The following PLXNA4 variants were observed in gnomAD, a reference collection of about 807,000 sequenced individuals.
PLXNA4 encodes the protein plexin A4, also known as plexin-A4.
A neutral mutation model predicts 191.8 loss-of-function variants in PLXNA4; 44 were observed. The ratio of observed to expected loss-of-function variants is 0.23; its 90% confidence interval spans 0.18 to 0.29. PLXNA4 has a LOEUF of 0.29. Ranked by LOEUF, PLXNA4 falls within the 10% of genes least tolerant of loss-of-function variation. PLXNA4 has a pLI of 1.00. For missense variants in PLXNA4, 1,800 were observed against 2,488.8 expected (o/e 0.72, Z 5.89); for synonymous variants, 1,082 against 1,009.5 (o/e 1.07, Z -1.36).
chr7:132,548,023 C>T (rs117811960), intron 1 of PLXNA4, among the ~76,000 whole-genome samples: 290 of 152,156 alleles, frequency 1.9e-3, no homozygotes, highest in Non-Finnish European at 3.4e-3. Context: ...AACGTGAAAC[C>T]GAAGAAAACA....
At chr7:132,626,491 C>T (rs1803376092) in intron 2 of PLXNA4, among the ~76,000 whole-genome samples, 1 of 152,108 alleles carries the variant, frequency 6.6e-6, no homozygotes, top group Non-Finnish European at 1.5e-5. Flanking sequence ...GGTTTAGCAC[C>T]ATCCCTTTGG....
At chr7:132,346,489 A>G (rs982810604) in intron 3 of PLXNA4, among the ~76,000 whole-genome samples, 1 of 152,220 alleles carries the variant, frequency 6.6e-6, no homozygotes, top group Non-Finnish European at 1.5e-5. Context: ...AGCAAATGCT[A>G]TGGCAGAATT....
intron 3 of PLXNA4, among the ~76,000 whole-genome samples, chr7:132,460,107 A>C (rs1796451313): frequency 6.6e-6 from 1 of 152,144 alleles, no homozygotes; most frequent in African/African-American, 2.4e-5. Context: ...TAATCCCAGC[A>C]CTTTGGGAGG....
chr7:132,315,202 T>C (rs906059985), intron 3 of PLXNA4, among the ~76,000 whole-genome samples: 1 of 152,208 alleles, frequency 6.6e-6, no homozygotes, highest in African/African-American at 2.4e-5. Context: ...CGGTCTGTTC[T>C]GTGTGACCTC....
chr7:132,377,035 TA>T lies in PLXNA4; in HGVS notation c.1372-78814del, dbSNP rs565511119. On this transcript the variant is annotated intron_variant, in intron 3 of 31. Coordinates refer to ENST00000321063, the MANE Select transcript of PLXNA4 (RefSeq NM_020911.2). ...TCCTTTCCCAGGCTCACGAAATGTGTAAAAACAAAGTACAGAAAAAGAAATC... is the reference window on the plus strand; with the variant it reads ...TCCTTTCCCAGGCTCACGAAATGTGTAAAACAAAGTACAGAAAAAGAAATC... 1.8e-4 allele frequency among the ~76,000 whole-genome samples: 28 copies of T among 152,260 alleles called. No homozygotes were observed. In the South Asian group the frequency reaches 5.8e-3, roughly 32 times the overall value.
chr7:132,579,997 C>T (rs887869474), upstream of PLXNA4, among the ~76,000 whole-genome samples: 2 of 152,080 alleles, frequency 1.3e-5, no homozygotes, highest in Non-Finnish European at 1.5e-5. Context: ...CTACTCCTGG[C>T]TCTGTCATTG....
At chr7:132,262,772 G>T (rs1485759234) in intron 4 of PLXNA4, among the ~76,000 whole-genome samples, 1 of 152,154 alleles carries the variant, frequency 6.6e-6, no homozygotes, top group Non-Finnish European at 1.5e-5. Context: ...AGCTCAGTGG[G>T]GAGGCTGGGG....
In PLXNA4 at chr7:132,625,513, G is replaced by A. The variant is rs1049404088; in HGVS notation, c.-87+20415C>T. Among the ~76,000 whole-genome samples the A allele has an allele frequency of 3.3e-5, 5 of 152,082 alleles. No individual in the cohort carries two copies. The South Asian group carries it at 6.2e-4, about 19-fold the overall frequency. On this transcript the variant is annotated intron_variant, in intron 2 of 4. Transcript: ENST00000378539. ...AGATCCTGTAGAGCATTGATCCTCT[G>A]TCACATCAAGCACCAGAGAGACCAT...
Position 132,203,335 on chromosome 7 carries a change from C to A in PLXNA4, c.2383G>T (p.Ala795Ser). The A allele has an allele frequency of 1.2e-6, 2 of 1,613,810 alleles. No individual in the cohort carries two copies. Among genetic ancestry groups the A allele is most frequent in the African/African-American group, 2.7e-5 (2 of 75,022 alleles). Reference protein sequence around the residue: ...WNGHFNIDNPAQNKVHLYKCG... With the variant: ...WNGHFNIDNPSQNKVHLYKCG... ...AGCCCTTCCACACCTTTATTCTGAG[C>A]TGGGTTGTCAATGTTGAAGTGCCCA... Residue 795 changes from alanine to serine, a missense_variant, in exon 11 of 32, where the codon GCT (alanine) becomes TCT (serine). Coordinates refer to ENST00000321063, the MANE Select transcript of PLXNA4 (RefSeq NM_020911.2).
chr7:132,285,910 T>C (rs950922963), intron 4 of PLXNA4, among the ~76,000 whole-genome samples: 2 of 151,956 alleles, frequency 1.3e-5, no homozygotes, highest in African/African-American at 4.8e-5. Context: ...AGGGGTGAGG[T>C]GGTCAAGGCC....
intron 16 of PLXNA4, among the ~76,000 whole-genome samples, chr7:132,183,240 A>G (rs1796770000): frequency 1.3e-5 from 2 of 152,194 alleles, no homozygotes; most frequent in African/African-American, 4.8e-5. Flanking sequence ...ACACAGTGTA[A>G]GATTCCTGTG....
At chr7:132,254,393 A>C (rs1467150594) in intron 4 of PLXNA4, among the ~76,000 whole-genome samples, 1 of 152,210 alleles carries the variant, frequency 6.6e-6, no homozygotes, top group Non-Finnish European at 1.5e-5. Context: ...GGGTGAGTAA[A>C]GGGTTGTGTG....
chr7:132,216,706 C>T (rs1210457584), intron 9 of PLXNA4, among the ~76,000 whole-genome samples: 6 of 152,128 alleles, frequency 3.9e-5, no homozygotes, highest in African/African-American at 1.4e-4. Flanking sequence ...AAGATCACTC[C>T]TATGTTCTAG....
intron 5 of PLXNA4, among the ~76,000 whole-genome samples, chr7:132,239,972 A>C (rs1798823528): frequency 6.6e-6 from 1 of 152,146 alleles, no homozygotes; most frequent in African/African-American, 2.4e-5. Flanking sequence ...TGCCACCCAG[A>C]GATGTATTCG....
chr7:132,442,253 T>C (rs1232334633), intron 3 of PLXNA4, among the ~76,000 whole-genome samples: 3 of 152,162 alleles, frequency 2.0e-5, no homozygotes, highest in Non-Finnish European at 4.4e-5. Context: ...CTAGCCTGGA[T>C]TCTTGTGTCA....
intron 4 of PLXNA4, among the ~76,000 whole-genome samples, chr7:132,296,733 C>T (rs970428735): frequency 6.6e-6 from 1 of 152,150 alleles, no homozygotes; most frequent in Non-Finnish European, 1.5e-5. Flanking sequence ...CCCCTCAGCT[C>T]CTAGGGCCTC....
intron 3 of PLXNA4, among the ~76,000 whole-genome samples, chr7:132,305,361 AACACACACACACAC>A (rs57158164): frequency 1.1e-4 from 15 of 131,090 alleles, no homozygotes; most frequent in South Asian, 3.0e-4. Flanking sequence ...GCTTACCAAG[AACACACACACACAC>A]ACACACACAC....
intron 20 of PLXNA4, among the ~76,000 whole-genome samples, chr7:132,179,030 GCGCA>G (rs1391365993): frequency 2.1e-5 from 1 of 48,438 alleles, no homozygotes; most frequent in Non-Finnish European, 3.4e-5. Flanking sequence ...ACAGGCGCGC[GCGCA>G]CACACACACA....
At chr7:132,186,295 C>T (rs1211653241) in intron 15 of PLXNA4, among the ~76,000 whole-genome samples, 1 of 152,234 alleles carries the variant, frequency 6.6e-6, no homozygotes, top group Non-Finnish European at 1.5e-5. Flanking sequence ...GGCTCAACCT[C>T]AACCACTGGA....
Sources: gnomAD v4.1 joint callset for allele counts (sites outside exome capture counted in the v4.1 genomes callset) on GRCh38, gnomAD v4.1.1 for gene constraint, MANE v1.5 for transcripts, NCBI Gene and HGNC (gene_info 2026-07-23, HGNC 2026-07-21) for gene names.